Variants in SPAG16 observed in about 807,000 individuals in gnomAD.
The protein encoded by SPAG16 is sperm-associated antigen 16 protein.
A neutral mutation model predicts 80.4 loss-of-function variants in SPAG16; 86 were observed. The ratio of observed to expected loss-of-function variants is 1.07; its 90% CI spans 0.90 to 1.28. SPAG16 has a LOEUF of 1.28. SPAG16 is among the 50% of genes most tolerant of loss of function. SPAG16 has a pLI of 0.00. For synonymous variants in SPAG16, 294 were observed against 265.9 expected, an observed-to-expected ratio of 1.11 and a Z score of -1.03; for missense variants, 870 against 765.3, an observed-to-expected ratio of 1.14 and a Z score of -1.61.
chr2:214,355,322 CA>C (rs1428158671), intron 15 of SPAG16, among the ~76,000 whole-genome samples: 2 of 8,204 alleles, frequency 2.4e-4, no homozygotes, highest in Non-Finnish European at 4.5e-3. Context: ...AACAAATTTA[CA>C]AGAAAAAAAA....
At chr2:213,604,935 A>C (rs1266870929) in intron 10 of SPAG16, among the ~76,000 whole-genome samples, 1 of 148,710 alleles carries the variant, frequency 6.7e-6, no homozygotes, top group Non-Finnish European at 1.5e-5. Context: ...TTTATATTAT[A>C]TATAAAATAT....
chr2:214,287,913 G>A (rs972058589), intron 15 of SPAG16, among the ~76,000 whole-genome samples: 1 of 152,134 alleles, frequency 6.6e-6, no homozygotes, highest in Admixed American at 6.5e-5. Flanking sequence ...TCATTTCTAT[G>A]TGTTAGTAAC....
At chr2:213,400,658 C>G (rs2068263207) in intron 9 of SPAG16, among the ~76,000 whole-genome samples, 1 of 152,108 alleles carries the variant, frequency 6.6e-6, no homozygotes, top group Non-Finnish European at 1.5e-5. Flanking sequence ...TTTCAGTATC[C>G]TGTACACCTA....
intron 10 of SPAG16, among the ~76,000 whole-genome samples, chr2:213,556,297 CAAAAAAAAAAAAACCA>C (rs1414513548): frequency 2.8e-4 from 22 of 79,726 alleles, no homozygotes; most frequent in South Asian, 4.7e-4. Context: ...CTGAATGGGT[CAAAAAAAAAAAAACCA>C]AAAAAAAAAA....
rs528599940 is a variant in SPAG16, at chr2:213,444,885, A to C, written c.943-45078A>C. On this transcript the variant is annotated intron_variant, in intron 9 of 15. Transcript: ENST00000331683. ...CCAAACAGTATGGTACTGGCATAAA[A>C]ATAGACATATAGACTAATATTAGAA... Among the ~76,000 whole-genome samples, 126 of 152,286 alleles carry C rather than the reference A, an allele frequency of 8.3e-4. 1 individual carries two copies. The highest frequency in any genetic ancestry group is 1.4e-3 in the South Asian group (7 of 4,830).
At chr2:213,691,794 G>A (rs1457110927) in intron 10 of SPAG16, among the ~76,000 whole-genome samples, 2 of 152,224 alleles carry the variant, frequency 1.3e-5, no homozygotes, top group African/African-American at 4.8e-5. Flanking sequence ...CAGATTGAAA[G>A]CTCTAAAAGG....
At chr2:214,058,311 T>C (rs1014828664) in intron 13 of SPAG16, among the ~76,000 whole-genome samples, 1 of 152,172 alleles carries the variant, frequency 6.6e-6, no homozygotes, top group Non-Finnish European at 1.5e-5. Flanking sequence ...AATGGCCTAA[T>C]TTCAATGCCG....
chr2:213,699,092 C>T (rs1242297900), intron 10 of SPAG16, among the ~76,000 whole-genome samples: 2 of 152,094 alleles, frequency 1.3e-5, no homozygotes, highest in Non-Finnish European at 2.9e-5. Context: ...TCTAATGTCT[C>T]CTACAACGTT....
intron 10 of SPAG16, among the ~76,000 whole-genome samples, chr2:213,604,932 T>C (rs2061201654): frequency 6.7e-6 from 1 of 148,720 alleles, no homozygotes; most frequent in Admixed American, 6.7e-5. Context: ...TTATTTATAT[T>C]ATATATAAAA....
intron 11 of SPAG16, among the ~76,000 whole-genome samples, chr2:213,929,617 T>G (rs1220840734): frequency 3.2e-5 from 4 of 124,168 alleles, no homozygotes; most frequent in Non-Finnish European, 7.4e-5. Flanking sequence ...TCTTTATTGT[T>G]CTGAAGCCCG....
At chr2:214,076,517 G>A (rs2051080446) in intron 13 of SPAG16, among the ~76,000 whole-genome samples, 1 of 72,024 alleles carries the variant, frequency 1.4e-5, no homozygotes, top group South Asian at 3.7e-4. Flanking sequence ...TTTATTCTGT[G>A]TGTGTGTGTG....
chr2:213,677,758 C>T (rs1269221064), intron 10 of SPAG16, among the ~76,000 whole-genome samples: 3 of 152,070 alleles, frequency 2.0e-5, no homozygotes, highest in Non-Finnish European at 4.4e-5. Flanking sequence ...CAGCTCTGCA[C>T]CAAGCGGACC....
At chr2:213,846,897 G>A (rs562636910) in intron 10 of SPAG16, among the ~76,000 whole-genome samples, 1 of 152,166 alleles carries the variant, frequency 6.6e-6, no homozygotes, top group Non-Finnish European at 1.5e-5. Context: ...AGCAGGTCTA[G>A]TCTCTTATCT....
At chr2:213,362,060 GT>G (rs2066011434) in intron 7 of SPAG16, among the ~76,000 whole-genome samples, 2 of 152,034 alleles carry the variant, frequency 1.3e-5, no homozygotes, top group East Asian at 3.9e-4. Context: ...AGGCATTCTT[GT>G]CCAGTTGCCC....
At chr2:213,421,836 T>C (rs1448428866) in intron 9 of SPAG16, among the ~76,000 whole-genome samples, 2 of 151,990 alleles carry the variant, frequency 1.3e-5, no homozygotes, top group Non-Finnish European at 2.9e-5. Flanking sequence ...TGGACACTCA[T>C]CAGGACGACC....
intron 10 of SPAG16, among the ~76,000 whole-genome samples, chr2:213,721,169 G>A (rs934382775): frequency 1.5e-4 from 23 of 151,984 alleles, no homozygotes; most frequent in Admixed American, 5.9e-4. Context: ...GCTTGATCTC[G>A]GCTCACTGCA....
At position 214,012,288 on chromosome 2, in the gene SPAG16, A is replaced by ATTTTTT. The variant is rs778689045; in HGVS notation, c.1401-1647_1401-1642dup. Among the ~76,000 whole-genome samples the ATTTTTT allele has an allele frequency of 1.5e-3, 72 of 46,798 alleles. 5 individuals are homozygous for ATTTTTT. The highest frequency in any genetic ancestry group is 9.8e-3 in the South Asian group (5 of 508). 30.7% of individuals were successfully genotyped at this position (46,798 alleles called of 152,430 possible). A position where few individuals can be genotyped will look rare whatever the true frequency, so the allele number is the denominator to read the frequency against. On this transcript the variant is annotated intron_variant, in intron 12 of 15. Coordinates refer to ENST00000331683, the MANE Select transcript of SPAG16 (RefSeq NM_024532.5). ...TATATATATATATATATATATATATATTTTTTTTTTTTTTTTTTTTTCCTC... is the reference window on the plus strand; with the variant it reads ...TATATATATATATATATATATATATATTTTTTTTTTTTTTTTTTTTTTTTTTTCCTC...
At chr2:213,979,058 C>A (rs192422144) in intron 12 of SPAG16, among the ~76,000 whole-genome samples, 1 of 152,002 alleles carries the variant, frequency 6.6e-6, no homozygotes, top group East Asian at 1.9e-4. Context: ...CAGAAATGAA[C>A]ATACCATCAC....
chr2:213,317,397 G>C (rs772665445), intron 5 of SPAG16, 41 bp downstream of exon 5: 3 of 1,577,392 alleles, frequency 1.9e-6, no homozygotes, highest in Non-Finnish European at 2.6e-6. Context: ...TTTTTCTTTT[G>C]GACTAAATAA....
Sources: gnomAD v4.1 joint callset for allele counts (sites outside exome capture counted in the v4.1 genomes callset) on GRCh38, gnomAD v4.1.1 for gene constraint, MANE v1.5 for transcripts, NCBI Gene and HGNC (gene_info 2026-07-23, HGNC 2026-07-21) for gene names.